Variants in BOD1L1 observed in about 807,000 individuals in gnomAD.
BOD1L1 encodes the protein biorientation of chromosomes in cell division 1 like 1, also known as biorientation of chromosomes in cell division protein 1-like 1.
A neutral mutation model predicts 240.7 loss-of-function variants in BOD1L1; 86 were observed. That is an observed-to-expected ratio of 0.36 (90% CI 0.30 to 0.43). The LOEUF (loss-of-function observed/expected upper bound fraction) is 0.43, where lower values mean the gene tolerates loss of function less well. Among genes scored for constraint, BOD1L1 ranks in the 20% least tolerant of loss-of-function variants. BOD1L1 has a pLI of 1.00. For missense variants in BOD1L1, 3,554 were observed against 3,643.5 expected, an observed-to-expected ratio of 0.98 and a Z score of 0.63; for synonymous variants, 1,268 against 1,272.3, an observed-to-expected ratio of 1.00 and a Z score of 0.07.
chr4:13,570,139 C>A lies in BOD1L1; in HGVS notation c.9039-11G>T, dbSNP rs773262543. The A allele has an allele frequency of 1.3e-6, 2 of 1,549,508 alleles. No individual in the cohort carries two copies. The highest frequency in any genetic ancestry group is 1.7e-6 in the Non-Finnish European group (2 of 1,150,960). ...AGCTGTGTCTTTGATCTGCATTAAG[C>A]AAAGTCAAGGCAATGGTGAGGTTTA... On this transcript the variant is annotated splice_polypyrimidine_tract_variant and intron_variant, in intron 25 of 25. Transcript: ENST00000040738.
At chr4:13,576,135 C>T (rs1351054681) in intron 25 of BOD1L1, among the ~76,000 whole-genome samples, 10 of 151,654 alleles carry the variant, frequency 6.6e-5, no homozygotes, top group East Asian at 2.0e-4. Context: ...CTCCGGACCT[C>T]GTGATTCGCC....
intron 1 of BOD1L1, among the ~76,000 whole-genome samples, chr4:13,620,670 T>C (rs1294035458): frequency 6.6e-6 from 1 of 152,166 alleles, no homozygotes; most frequent in African/African-American, 2.4e-5. Flanking sequence ...ACTGCACATA[T>C]GGGCAGAGTG....
At chr4:13,594,451 C>A (rs1001292902) in intron 12 of BOD1L1, among the ~76,000 whole-genome samples, 1 of 152,310 alleles carries the variant, frequency 6.6e-6, no homozygotes, top group East Asian at 1.9e-4. Flanking sequence ...TATGGTCCAG[C>A]CTCTCTGGGG....
Position 13,620,024 on chromosome 4 carries a change from G to C in BOD1L1, c.287C>G (p.Ala96Gly). The C allele has an allele frequency of 6.2e-7, 1 of 1,610,304 alleles. No individual in the cohort carries two copies. Among genetic ancestry groups the C allele is most frequent in the Non-Finnish European group, 8.5e-7 (1 of 1,178,080 alleles). ...CCATGTGTGAGTTGCCAAGTGATTTGCAACAAAGTTGTCAACACGCTGTCT... is the reference window on the plus strand; with the variant it reads ...CCATGTGTGAGTTGCCAAGTGATTTCCAACAAAGTTGTCAACACGCTGTCT... ...NLRQRVDNFV[A>G]NHLATHTWSP... is the part of the protein sequence containing the mutation. Residue 96 changes from alanine (A) to glycine (G), a missense_variant, in exon 2 of 26, where the codon GCA (alanine) becomes GGA (glycine). This residue lies in a region of BOD1L1 where 161 missense variants were observed against 216.4 expected (regional missense o/e 0.74). Coordinates refer to ENST00000040738, the MANE Select transcript of BOD1L1 (RefSeq NM_148894.3).
chr4:13,601,010 C>T lies in BOD1L1; in HGVS notation c.5890G>A (p.Gly1964Arg). 1 of 1,614,050 alleles carries T rather than the reference C, an allele frequency of 6.2e-7. No individual in the cohort carries two copies. The highest frequency in any genetic ancestry group is 8.5e-7 in the Non-Finnish European group (1 of 1,179,892). The change falls in exon 10 of 26, where the codon GGA becomes AGA. Residue 1964 changes from glycine to arginine, a missense_variant. By Grantham distance (125) the Gly-to-Arg change is moderately radical. This residue lies in a region of BOD1L1 where 3,393 missense variants were observed against 3,427.1 expected (regional missense o/e 0.99). Transcript: ENST00000040738. ...VESSVTSAVS[G>R]KDEVTPVPGG... ...GGAACTGGTGTCACTTCATCCTTTC[C>T]TGAGACTGCACTGGTCACACTGCTT...
chr4:13,602,854 C>A lies in BOD1L1; in HGVS notation c.4046G>T (p.Gly1349Val). The A allele has an allele frequency of 6.2e-7, 1 of 1,614,014 alleles. No individual in the cohort carries two copies. The highest frequency in any genetic ancestry group is 8.5e-7 in the Non-Finnish European group (1 of 1,179,898). The change falls in exon 10 of 26, where the codon GGT (glycine) becomes GTT (valine). Residue 1349 changes from glycine to valine, a missense_variant. By Grantham distance (109) the Gly-to-Val change is moderately radical (BLOSUM62 -3). Coordinates refer to ENST00000040738, the MANE Select transcript of BOD1L1 (RefSeq NM_148894.3). Reference sequence around the variant, plus strand: ...TTTTGCTGGTGTATCTACTGTGAAACCTTCACCACCTTCTTTGCTGTCACT... The same window carrying A: ...TTTTGCTGGTGTATCTACTGTGAAAACTTCACCACCTTCTTTGCTGTCACT... The part of the protein sequence containing the change: ...KTSDSKEGGE[G>V]FTVDTPAKAS...
chr4:13,607,440 A>G (rs1715799837), intron 8 of BOD1L1, among the ~76,000 whole-genome samples: 2 of 152,226 alleles, frequency 1.3e-5, no homozygotes, highest in Non-Finnish European at 2.9e-5. Flanking sequence ...CTGGGATTAC[A>G]GGCATACGCC....
At chr4:13,572,604 T>G in intron 25 of BOD1L1, 1 of 1,117,322 alleles carries the variant, frequency 8.9e-7, no homozygotes, top group Non-Finnish European at 1.2e-6. Context: ...AGTTATTTGG[T>G]GAGACAAAAT....
chr4:13,617,037 G>A (rs1327196388), intron 2 of BOD1L1, among the ~76,000 whole-genome samples: 1 of 152,102 alleles, frequency 6.6e-6, no homozygotes, highest in African/African-American at 2.4e-5. Context: ...ACAAGGTCAG[G>A]AGATCGAGAC....
chr4:13,600,650 GA>G lies in BOD1L1; in HGVS notation c.6249del (p.Gln2084ArgfsTer2). ...TCCACATCTGTAATTGCGCTTACCT[GA>G]GGGGTGTAATCATTTGTGGTACTGG... is the stretch of plus-strand genomic sequence containing the variant. ...ISTSTTNDYT[P>X]QVSAITDVEG... On this transcript the variant is annotated frameshift_variant, in exon 10 of 26. Coordinates refer to ENST00000040738, the MANE Select transcript of BOD1L1 (RefSeq NM_148894.3). LOFTEE classifies it high-confidence loss of function. 6.2e-7 allele frequency: 1 copy of G among 1,613,920 alleles called. No homozygotes were observed. Among genetic ancestry groups the G allele is most frequent in the East Asian group, 2.2e-5 (1 of 44,882 alleles).
intron 1 of BOD1L1, among the ~76,000 whole-genome samples, chr4:13,621,494 G>A (rs905860258): frequency 1.3e-5 from 2 of 152,184 alleles, no homozygotes; most frequent in African/African-American, 4.8e-5. Flanking sequence ...CCGAAGGTAG[G>A]CTTATGGGCT....
At position 13,577,459 on chromosome 4, in the gene BOD1L1, C is replaced by G; in HGVS notation, c.8828G>C (p.Ser2943Thr). Residue 2943 changes from serine (S) to threonine (T), a missense_variant, in exon 24 of 26, where the codon AGT (serine) becomes ACT (threonine). This residue lies in a region of BOD1L1 where 3,393 missense variants were observed against 3,427.1 expected (regional missense o/e 0.99). Transcript: ENST00000040738. The stretch of plus-strand genomic sequence containing the variant: ...GGGTTTTCTTCCTCTCCGACGCACA[C>G]TTGTTACTATTTTTTCTTCACCATC... ...NDDGEEKIVT[S>T]VRRRGRKPKR... 6.2e-7 allele frequency: 1 copy of G among 1,613,752 alleles called. No homozygotes were observed. The highest frequency in any genetic ancestry group is 8.5e-7 in the Non-Finnish European group (1 of 1,179,798).
chr4:13,570,342 G>C (rs1055568574), intron 25 of BOD1L1, among the ~76,000 whole-genome samples: 6 of 152,242 alleles, frequency 3.9e-5, no homozygotes, highest in African/African-American at 1.4e-4. Context: ...GACACTGGAA[G>C]AGAAGTTTGA....
intron 25 of BOD1L1, among the ~76,000 whole-genome samples, chr4:13,575,520 A>G (rs1400566250): frequency 1.3e-5 from 2 of 152,064 alleles, no homozygotes; most frequent in Non-Finnish European, 2.9e-5. Flanking sequence ...AGCCGGGACT[A>G]CAGGTGCATG....
intron 22 of BOD1L1, 151 bp downstream of exon 22, chr4:13,579,777 C>T (rs924245078): frequency 1.2e-5 from 7 of 580,898 alleles, no homozygotes; most frequent in Admixed American, 3.5e-5. Flanking sequence ...CCAATAGATA[C>T]AGTCTCTCCC....
At position 13,600,760 on chromosome 4, in the gene BOD1L1, A is replaced by C; in HGVS notation, c.6140T>G (p.Met2047Arg). ...SVENEECDGLMATTASGDITN... is the reference protein window; with the variant it reads ...SVENEECDGLRATTASGDITN... ...AATATCACCACTGGCTGTAGTTGCCATGAGACCATCACACTCTTCATTTTC... is the reference window on the plus strand; with the variant it reads ...AATATCACCACTGGCTGTAGTTGCCCTGAGACCATCACACTCTTCATTTTC... Residue 2047 changes from methionine (M) to arginine (R), a missense_variant, in exon 10 of 26, where the codon ATG becomes AGG. Met to Arg is a moderately conservative substitution (Grantham distance 91). Around this residue, in one of 2 missense-constraint regions of BOD1L1, gnomAD observed 3,393 missense variants for 3,427.1 expected, o/e 0.99. Transcript: ENST00000040738. 6.2e-7 allele frequency: 1 copy of C among 1,614,014 alleles called. No homozygotes were observed. The highest frequency in any genetic ancestry group is 8.5e-7 in the Non-Finnish European group (1 of 1,179,890).
rs533389570 is a variant in BOD1L1, at chr4:13,610,832, G to T, written c.1491+102C>A. The T allele has an allele frequency of 3.5e-5, 34 of 977,304 alleles. No individual in the cohort carries two copies. In the East Asian group the frequency reaches 8.4e-4, roughly 24 times the overall value. The allele number at this position is 977,304 out of a possible 1,614,324, so 60.5% of individuals were successfully genotyped here. ...GACAAGTTTCCTGAAGGCAAATCCT[G>T]TATGTCTCTGCTTCATATGCACATC... On this transcript the variant is annotated intron_variant, in intron 6 of 25. Transcript: ENST00000040738.
chr4:13,600,875 C>G lies in BOD1L1; in HGVS notation c.6025G>C (p.Asp2009His), dbSNP rs541321396. The change falls in exon 10 of 26, where the codon GAT (aspartate) becomes CAT (histidine). Residue 2009 changes from aspartate to histidine, a missense_variant. Physicochemically the swap from Asp to His is moderately conservative, Grantham distance 81. Around this residue, in one of 2 missense-constraint regions of BOD1L1, gnomAD observed 3,393 missense variants for 3,427.1 expected, o/e 0.99. Coordinates refer to ENST00000040738, the MANE Select transcript of BOD1L1 (RefSeq NM_148894.3). Reference protein sequence around the residue: ...ISTGLVGGSYDVLVSGEVPEC... With the variant: ...ISTGLVGGSYHVLVSGEVPEC... ...GGGACTTCACCAGATACAAGAACAT[C>G]GTAACTACCCCCGACCAGGCCAGTG... 1.9e-6 allele frequency: 3 copies of G among 1,613,686 alleles called. No individual in the cohort carries two copies. Among genetic ancestry groups the G allele is most frequent in the Non-Finnish European group, 2.5e-6 (3 of 1,179,816 alleles).
At chr4:13,581,888 A>G (rs370095016) in intron 19 of BOD1L1, among the ~76,000 whole-genome samples, 1 of 152,064 alleles carries the variant, frequency 6.6e-6, no homozygotes, top group African/African-American at 2.4e-5. Context: ...GCTGGACTCC[A>G]TGGCTCAGAC....
Sources: allele counts gnomAD v4.1 joint callset (sites outside exome capture counted in the v4.1 genomes callset), GRCh38; gene constraint gnomAD v4.1.1; regional missense constraint gnomAD v4.1.1; transcripts MANE v1.5; gene names NCBI Gene and HGNC (gene_info 2026-07-23, HGNC 2026-07-21).